EPB41: variants seen among roughly 807,000 people sequenced by gnomAD.
The protein encoded by EPB41 is protein 4.1.
Under a neutral mutation model 108.0 loss-of-function variants are expected in EPB41, and 65 were observed. The ratio of observed to expected loss-of-function variants is 0.60; its 90% CI spans 0.49 to 0.74. EPB41 has a LOEUF of 0.74. Among genes scored for constraint, EPB41 ranks in the 30% least tolerant of loss-of-function variants. The pLI is 0.00. For missense variants in EPB41, 875 were observed against 1,037.0 expected, an observed-to-expected ratio of 0.84 and a Z score of 2.15; for synonymous variants, 336 against 358.9, an observed-to-expected ratio of 0.94 and a Z score of 0.72.
chr1:29,039,433 A>G lies in EPB41; in HGVS notation c.1636+7A>G. ...TCCCGGAGCCTCGATGGAGGTTTGT[A>G]TTGAATATTAATGATTTCTTGTGAT... On this transcript the variant is annotated splice_region_variant and intron_variant, in intron 11 of 20. Coordinates refer to ENST00000343067, the MANE Select transcript of EPB41 (RefSeq NM_001376013.1). 1 of 1,613,680 alleles carries G rather than the reference A, an allele frequency of 6.2e-7. No homozygotes were observed. Among genetic ancestry groups the G allele is most frequent in the Non-Finnish European group, 8.5e-7 (1 of 1,179,906 alleles).
At chr1:28,966,859 C>T (rs896271981) in intron 1 of EPB41, among the ~76,000 whole-genome samples, 1 of 152,154 alleles carries the variant, frequency 6.6e-6, no homozygotes, top group African/African-American at 2.4e-5. Flanking sequence ...GGACTTTGCC[C>T]TTTATTCTGA....
chr1:28,896,350 T>TG (rs2090659233), intron 1 of EPB41, among the ~76,000 whole-genome samples: 1 of 152,216 alleles, frequency 6.6e-6, no homozygotes, highest in Admixed American at 6.5e-5. Flanking sequence ...CAGCCTAGTC[T>TG]GACAGACTCC....
At chr1:29,005,406 A>T (rs560106096) in intron 4 of EPB41, among the ~76,000 whole-genome samples, 1 of 152,344 alleles carries the variant, frequency 6.6e-6, no homozygotes, top group African/African-American at 2.4e-5. Flanking sequence ...GGGTGGGGAT[A>T]CACATCCAAA....
Position 29,119,881 on chromosome 1 carries a change from C to T in EPB41, c.*3069C>T, listed in dbSNP as rs1168585811. On this transcript the variant is annotated 3_prime_UTR_variant, in exon 21 of 21. Transcript: ENST00000343067. ...TTTACATTTCTTGAAAAAATAGGAA[C>T]TCGGGCAGCAGAATCAGATTGGCAG... 1 of 152,550 alleles carries T rather than the reference C, an allele frequency of 6.6e-6. No homozygotes were observed. Among genetic ancestry groups the T allele is most frequent in the Non-Finnish European group, 1.5e-5 (1 of 68,036 alleles). 9.4% of individuals were successfully genotyped at this position (152,550 alleles called of 1,614,324 possible).
chr1:28,988,164 G>C (rs2149526930), intron 2 of EPB41, among the ~76,000 whole-genome samples: 3 of 152,306 alleles, frequency 2.0e-5, no homozygotes, highest in Middle Eastern at 6.8e-3. Flanking sequence ...TCAGGAGGCT[G>C]AGACAGGAGA....
At chr1:29,043,283 G>A (rs750217948) in intron 11 of EPB41, among the ~76,000 whole-genome samples, 16 of 152,182 alleles carry the variant, frequency 1.1e-4, no homozygotes, top group Non-Finnish European at 2.1e-4. Flanking sequence ...CATTTGAGCT[G>A]AGACCTGAAT....
chr1:29,107,844 T>C (rs1404859993), intron 17 of EPB41, among the ~76,000 whole-genome samples: 9 of 76,084 alleles, frequency 1.2e-4, no homozygotes, highest in South Asian at 4.3e-4. Context: ...GAAGCGAAAC[T>C]CCATCTCAAA....
chr1:28,988,551 C>T (rs182401347), intron 2 of EPB41, among the ~76,000 whole-genome samples: 3 of 151,830 alleles, frequency 2.0e-5, no homozygotes, highest in East Asian at 3.9e-4. Context: ...GTAGAGACAG[C>T]GTTTTGCTGT....
intron 1 of EPB41, among the ~76,000 whole-genome samples, chr1:28,942,995 C>T (rs1427096390): frequency 6.6e-6 from 1 of 152,058 alleles, no homozygotes; most frequent in African/African-American, 2.4e-5. Flanking sequence ...TCCTCCAGCT[C>T]CACCCTCCCC....
intron 16 of EPB41, chr1:29,096,593 C>T (rs934122833): frequency 9.1e-6 from 9 of 985,338 alleles, no homozygotes; most frequent in Non-Finnish European, 8.4e-6. Context: ...CACCCTCATT[C>T]GAAGTTTCCA....
intron 16 of EPB41, among the ~76,000 whole-genome samples, chr1:29,084,085 C>T (rs1657825784): frequency 6.6e-6 from 1 of 152,146 alleles, no homozygotes; most frequent in African/African-American, 2.4e-5. Flanking sequence ...TGGTCATTTG[C>T]ACTGCAAAGC....
At chr1:29,047,337 C>A (rs1191377668) in intron 11 of EPB41, among the ~76,000 whole-genome samples, 1 of 143,998 alleles carries the variant, frequency 6.9e-6, no homozygotes, top group Non-Finnish European at 1.5e-5. Context: ...GTAGCCTTGA[C>A]CTCCCAGGCC....
At chr1:28,933,448 C>T (rs888937974) in intron 1 of EPB41, among the ~76,000 whole-genome samples, 1 of 152,150 alleles carries the variant, frequency 6.6e-6, no homozygotes. Flanking sequence ...AACTGATGTG[C>T]AGCACTGTGA....
Position 29,008,115 on chromosome 1 carries a change from C to T in EPB41, c.787-3750C>T, listed in dbSNP as rs951800911. Among the ~76,000 whole-genome samples the T allele has an allele frequency of 3.9e-5, 6 of 152,182 alleles. No individual in the cohort carries two copies. In the East Asian group the frequency reaches 7.7e-4, roughly 20 times the overall value. On this transcript the variant is annotated intron_variant, in intron 4 of 20. Transcript: ENST00000343067. ...TCTCCTTTATAACATGTGTTCCTTT[C>T]CCTGTATTTCCTGTTTTAGTGAATA... is the stretch of plus-strand genomic sequence containing the variant.
chr1:29,108,625 T>C (rs999058250), intron 17 of EPB41, among the ~76,000 whole-genome samples: 8 of 151,654 alleles, frequency 5.3e-5, no homozygotes, highest in Non-Finnish European at 1.2e-4. Context: ...TGGCGGGATC[T>C]TGGCTCACTG....
chr1:29,062,511 G>A (rs574152391), intron 15 of EPB41, among the ~76,000 whole-genome samples: 2 of 152,266 alleles, frequency 1.3e-5, no homozygotes, highest in East Asian at 3.9e-4. Flanking sequence ...GAAGTGTTTG[G>A]TTTGATTGCT....
intron 17 of EPB41, among the ~76,000 whole-genome samples, chr1:29,098,807 G>A (rs1016501787): frequency 3.3e-5 from 5 of 151,372 alleles, no homozygotes; most frequent in Non-Finnish European, 4.4e-5. Flanking sequence ...GCAGTGGCGT[G>A]ATGATCTCAG....
intron 1 of EPB41, among the ~76,000 whole-genome samples, chr1:28,942,329 T>G (rs1221081123): frequency 3.3e-5 from 5 of 152,196 alleles, no homozygotes; most frequent in African/African-American, 1.2e-4. Context: ...TCAGATGCTA[T>G]TCACAAGACC....
chr1:29,103,619 G>A (rs114839179), intron 17 of EPB41, among the ~76,000 whole-genome samples: 2,699 of 152,160 alleles, frequency 0.018, 39 homozygotes, highest in South Asian at 0.034. Flanking sequence ...TTTTAACCAG[G>A]CTTAAGACAG....
Sources: allele counts gnomAD v4.1 joint callset (sites outside exome capture counted in the v4.1 genomes callset), GRCh38; gene constraint gnomAD v4.1.1; transcripts MANE v1.5; gene names NCBI Gene and HGNC (gene_info 2026-07-23, HGNC 2026-07-21).